FDXR: variants seen among roughly 807,000 people sequenced by gnomAD.
FDXR encodes ferredoxin reductase.
FDXR carries 38 observed loss-of-function variants against 58.3 expected under a neutral mutation model. The ratio of observed to expected loss-of-function variants is 0.65; its 90% CI spans 0.50 to 0.85. The LOEUF is 0.85. FDXR is among the 40% of genes least tolerant of loss of function. The probability of loss-of-function intolerance (pLI) is 0.00; values close to 1 mark genes in which losing one functional copy is unlikely to be tolerated. For synonymous variants in FDXR, 275 were observed against 273.8 expected, an observed-to-expected ratio of 1.00 and a Z score of -0.04; for missense variants, 624 against 671.0, an observed-to-expected ratio of 0.93 and a Z score of 0.77.
chr17:74,862,817 TCA>T lies in FDXR; in HGVS notation c.1474_1475del (p.Ter492SerfsTer24). The T allele has an allele frequency of 9.9e-6, 16 of 1,608,698 alleles. No individual in the cohort carries two copies. The highest frequency in any genetic ancestry group is 1.4e-5 in the Non-Finnish European group (16 of 1,179,238). On this transcript the variant is annotated frameshift_variant and stop_lost, in exon 12 of 12. Coordinates refer to ENST00000293195, the MANE Select transcript of FDXR (RefSeq NM_024417.5). LOFTEE classifies it high-confidence loss of function. ...CTGGGGGCCGGGGCTGGGGCTGGGC[TCA>T]GTGGCCCAGGAGGCGCAGCATCTCC... ...PQEMLRLLGH[*>X]
Position 74,862,525 on chromosome 17 carries a change from A to G in FDXR, c.*292T>C. ...TGGTTGCAGCTGTTTTATTTCCAGC[A>G]TGTTCCCAACCTGGTGACCCTCCAC... On this transcript the variant is annotated 3_prime_UTR_variant, in exon 12 of 12. Transcript: ENST00000293195. 1 of 339,584 alleles carries G rather than the reference A, an allele frequency of 2.9e-6. No individual in the cohort carries two copies. The highest frequency in any genetic ancestry group is 5.3e-6 in the Non-Finnish European group (1 of 187,592). The allele number at this position is 339,584 out of a possible 1,614,324, so 21.0% of individuals were successfully genotyped here.
chr17:74,866,731 C>A lies in FDXR; in HGVS notation c.270+53G>T, dbSNP rs1299939853. On this transcript the variant is annotated intron_variant, in intron 3 of 11. Transcript: ENST00000293195. Reference sequence around the variant, plus strand: ...CCAGCCAGGGAGCCTCCCTGCCCTCCTCATCTTGACCAAAGTCTCCAAACC... The same window carrying A: ...CCAGCCAGGGAGCCTCCCTGCCCTCATCATCTTGACCAAAGTCTCCAAACC... 8 of 1,605,802 alleles carry A rather than the reference C, an allele frequency of 5.0e-6. No individual in the cohort carries two copies. The African/African-American group carries it at 9.4e-5, about 19-fold the overall frequency.
chr17:74,863,213 G>A lies in FDXR; in HGVS notation c.1208C>T (p.Pro403Leu), dbSNP rs751848355. 4.3e-6 allele frequency: 7 copies of A among 1,613,498 alleles called. No homozygotes were observed. The highest frequency in any genetic ancestry group is 5.9e-6 in the Non-Finnish European group (7 of 1,179,874). The change falls in exon 11 of 12, where the codon CCT becomes CTT. Residue 403 changes from proline to leucine, a missense_variant. Transcript: ENST00000293195. ...LYCSGWVKRG[P>L]TGVIATTMTD... Reference sequence around the variant, plus strand: ...CATGGTTGTGGCTATGACACCTGTAGGTCCTCTCTTCACCCAGCCGCTGCA... The same window carrying A: ...CATGGTTGTGGCTATGACACCTGTAAGTCCTCTCTTCACCCAGCCGCTGCA...
In FDXR at chr17:74,864,178, T is replaced by A; in HGVS notation, c.972A>T (p.Ala324=). The change falls in exon 9 of 12, where the codon GCA becomes GCT. Residue 324 remains alanine, a synonymous_variant. Coordinates refer to ENST00000293195, the MANE Select transcript of FDXR (RefSeq NM_024417.5). ...GTCTAGTGACTGCTAGGCGGACACC[T>A]GCTGCCCGCCGCCCATCTGGTGAGG... ...VLPSPDGRRA[A]GVRLAVTRLE... The A allele has an allele frequency of 6.2e-7, 1 of 1,612,692 alleles. No individual in the cohort carries two copies. The highest frequency in any genetic ancestry group is 8.5e-7 in the Non-Finnish European group (1 of 1,179,976).
chr17:74,871,822 C>A (rs1458942906), intron 2 of FDXR, among the ~76,000 whole-genome samples: 1 of 152,152 alleles, frequency 6.6e-6, no homozygotes, highest in Non-Finnish European at 1.5e-5. Flanking sequence ...CACTCACCAC[C>A]AATGTGCGTT....
At chr17:74,870,224 G>A (rs2038325679) in intron 2 of FDXR, 1 of 240,822 alleles carries the variant, frequency 4.2e-6, no homozygotes, top group Non-Finnish European at 9.1e-6. Context: ...GTCGTGCTAA[G>A]AACACTGCCT....
chr17:74,872,495 C>T (rs930072995), intron 1 of FDXR: 21 of 616,536 alleles, frequency 3.4e-5, no homozygotes, highest in Admixed American at 2.4e-4. Flanking sequence ...TCCTCTAACC[C>T]CTCTCTCTCT....
intron 5 of FDXR, 73 bp from the exon 6 acceptor site, chr17:74,865,893 A>C: frequency 8.1e-7 from 1 of 1,232,058 alleles, no homozygotes; most frequent in Non-Finnish European, 1.2e-6. Flanking sequence ...CAGGTGCCTC[A>C]TGCCTGGTCC....
Position 74,864,048 on chromosome 17 carries a change from C to A in FDXR, c.1022G>T (p.Arg341Leu). The A allele has an allele frequency of 1.9e-6, 3 of 1,613,962 alleles. No individual in the cohort carries two copies. In the South Asian group the frequency reaches 3.3e-5, roughly 18 times the overall value. ...TRLEGVDEAT[R>L]AVPTGDMEDL... The stretch of plus-strand genomic sequence containing the variant: ...TTCCATGTCTCCCGTGGGCACTGCA[C>A]GGGTGGCCTCATCGACACCCTGTTG... The change falls in exon 10 of 12, where the codon CGT (arginine) becomes CTT (leucine). Residue 341 changes from arginine (R) to leucine (L), a missense_variant. Coordinates refer to ENST00000293195, the MANE Select transcript of FDXR (RefSeq NM_024417.5).
At chr17:74,869,804 G>A (rs139692805) in intron 2 of FDXR, 691 of 367,444 alleles carry the variant, frequency 1.9e-3, no homozygotes, top group Middle Eastern at 3.3e-3. Flanking sequence ...TAAAGCCTGC[G>A]CCCAGAACAT....
Position 74,863,169 on chromosome 17 carries a change from C to T in FDXR, c.1252G>A (p.Gly418Ser), listed in dbSNP as rs141101303. ...ATTMTDSFLT[G>S]QMLLQDLKAG... ...TTCAGGTCCTGCAGCAGCATCTGGCCGGTGAGGAAGCTGTCAGTCATGGTT... is the reference window on the plus strand; with the variant it reads ...TTCAGGTCCTGCAGCAGCATCTGGCTGGTGAGGAAGCTGTCAGTCATGGTT... Residue 418 changes from glycine to serine, a missense_variant, in exon 11 of 12, where the codon GGC becomes AGC. Coordinates refer to ENST00000293195, the MANE Select transcript of FDXR (RefSeq NM_024417.5). The T allele has an allele frequency of 4.2e-4, 684 of 1,613,858 alleles. 5 individuals carry two copies. Among genetic ancestry groups the T allele is most frequent in the East Asian group, 2.1e-3 (96 of 44,886 alleles).
rs1223201089 is a variant in FDXR, at chr17:74,864,557, C to T, written c.725G>A (p.Arg242Gln). ...LQVAFTIKELREMIQLPGARP... is the reference protein window; with the variant it reads ...LQVAFTIKELQEMIQLPGARP... ...GGCTCCCGGTAACTGAATCATCTCC[C>T]GAAGCTCCTTGAAGGTGGGAGCAGG... The change falls in exon 8 of 12, where the codon CGG becomes CAG. Residue 242 changes from arginine (R) to glutamine (Q), a missense_variant. By Grantham distance (43) the Arg-to-Gln change is conservative. Transcript: ENST00000293195. The T allele has an allele frequency of 8.1e-6, 13 of 1,613,752 alleles. No homozygotes were observed. Among genetic ancestry groups the T allele is most frequent in the African/African-American group, 2.7e-5 (2 of 74,902 alleles).
chr17:74,863,244 G>C lies in FDXR; in HGVS notation c.1177C>G (p.Leu393Val), dbSNP rs1187153356. Reference protein sequence around the residue: ...VEGRVMDVPGLYCSGWVKRGP... With the variant: ...VEGRVMDVPGVYCSGWVKRGP... ...CTCTTCACCCAGCCGCTGCAGTAGA[G>C]GCCTGAGAGGGGGTAACAAAAGGGG... Residue 393 changes from leucine to valine, a missense_variant and splice_region_variant, in exon 11 of 12, where the codon CTC becomes GTC. Leu to Val is a conservative substitution (Grantham distance 32, BLOSUM62 1). Transcript: ENST00000293195. 1.2e-6 allele frequency: 2 copies of C among 1,610,838 alleles called. No homozygotes were observed. The highest frequency in any genetic ancestry group is 1.7e-6 in the Non-Finnish European group (2 of 1,178,694).
At position 74,872,150 on chromosome 17, in the gene FDXR, G is replaced by A; in HGVS notation, c.80-17C>T. On this transcript the variant is annotated splice_polypyrimidine_tract_variant and intron_variant, in intron 1 of 11. Coordinates refer to ENST00000293195, the MANE Select transcript of FDXR (RefSeq NM_024417.5). Reference sequence around the variant, plus strand: ...GGCAGAAGCCTGGGGCCAGGCAGAGGAGAGGGAAAAGGTCAAAATTAACTT... The same window carrying A: ...GGCAGAAGCCTGGGGCCAGGCAGAGAAGAGGGAAAAGGTCAAAATTAACTT... The A allele has an allele frequency of 6.2e-7, 1 of 1,604,698 alleles. No homozygotes were observed. Among genetic ancestry groups the A allele is most frequent in the African/African-American group, 1.3e-5 (1 of 74,702 alleles).
Position 74,867,012 on chromosome 17 carries a change from G to A in FDXR, c.178-136C>T, listed in dbSNP as rs959292386. On this transcript the variant is annotated intron_variant, in intron 2 of 11. Transcript: ENST00000293195. ...AACACAAGGCTTCCACCCTCTGCAAGGAAAAAGAGCACTCACTCCTTGGGT... is the reference window on the plus strand; with the variant it reads ...AACACAAGGCTTCCACCCTCTGCAAAGAAAAAGAGCACTCACTCCTTGGGT... The A allele has an allele frequency of 8.1e-6, 12 of 1,480,994 alleles. No homozygotes were observed. In the Admixed American group the frequency reaches 9.7e-5, roughly 12 times the overall value. The allele number at this position is 1,480,994 out of a possible 1,614,324, so 91.7% of individuals were successfully genotyped here. A position where few individuals can be genotyped will look rare whatever the true frequency, so the allele number is the denominator to read the frequency against.
At chr17:74,866,688 G>A (rs915034929) in intron 3 of FDXR, 96 bp downstream of exon 3, 8 of 1,578,970 alleles carry the variant, frequency 5.1e-6, no homozygotes, top group African/African-American at 4.0e-5. Flanking sequence ...GGGCACAGAC[G>A]GCATGAAGTC....
intron 2 of FDXR, among the ~76,000 whole-genome samples, chr17:74,867,401 G>A (rs892716469): frequency 3.4e-5 from 5 of 147,654 alleles, no homozygotes; most frequent in South Asian, 2.3e-4. Flanking sequence ...GGCTTCCCCC[G>A]ACTGGAATTA....
At position 74,862,770 on chromosome 17, in the gene FDXR, C is replaced by G; in HGVS notation, c.*47G>C. ...CTCAGACGGACCCAGCCCTTCCCCT[C>G]CCAACACTCATCCCTTCCCTGCTGG... is the stretch of plus-strand genomic sequence containing the variant. On this transcript the variant is annotated 3_prime_UTR_variant, in exon 12 of 12. Coordinates refer to ENST00000293195, the MANE Select transcript of FDXR (RefSeq NM_024417.5). 6.3e-7 allele frequency: 1 copy of G among 1,576,636 alleles called. No individual in the cohort carries two copies. The highest frequency in any genetic ancestry group is 1.1e-5 in the South Asian group (1 of 87,784).
At chr17:74,865,206 A>G (rs2038135177) in intron 6 of FDXR, among the ~76,000 whole-genome samples, 1 of 152,148 alleles carries the variant, frequency 6.6e-6, no homozygotes, top group Admixed American at 6.5e-5. Context: ...GGGGTGGTCA[A>G]TGGTGAGGAA....
Sources: gnomAD v4.1 joint callset for allele counts (sites outside exome capture counted in the v4.1 genomes callset) on GRCh38, gnomAD v4.1.1 for gene constraint, MANE v1.5 for transcripts, NCBI Gene and HGNC (gene_info 2026-07-23, HGNC 2026-07-21) for gene names.